ZNF518A: variants seen among roughly 807,000 people sequenced by gnomAD.
ZNF518A encodes zinc finger protein 518.
Under a neutral mutation model 102.7 loss-of-function variants are expected in ZNF518A, and 47 were observed. The ratio of observed to expected loss-of-function variants is 0.46; its 90% CI spans 0.36 to 0.58. The LOEUF is 0.58. Among genes scored for constraint, ZNF518A ranks in the 20% least tolerant of loss-of-function variants. The probability of loss-of-function intolerance (pLI) is 0.00; values close to 1 mark genes in which losing one functional copy is unlikely to be tolerated. For missense variants in ZNF518A, 1,793 were observed against 1,699.8 expected, an observed-to-expected ratio of 1.05 and a Z score of -0.96; for synonymous variants, 652 against 594.6, an observed-to-expected ratio of 1.10 and a Z score of -1.40.
chr10:96,175,898 C>CA (rs2083201539), intron 1 of ZNF518A, among the ~76,000 whole-genome samples: 1 of 120,738 alleles, frequency 8.3e-6, no homozygotes, highest in South Asian at 3.8e-4. Flanking sequence ...TTCCTTCCTT[C>CA]CTTCCTTCCT....
chr10:96,144,186 A>G (rs1182139862), intron 3 of ZNF518A, among the ~76,000 whole-genome samples: 2 of 151,976 alleles, frequency 1.3e-5, no homozygotes, highest in Non-Finnish European at 2.9e-5. Flanking sequence ...GGGTTTCGCC[A>G]TGTTTTCTAG....
intron 1 of ZNF518A, among the ~76,000 whole-genome samples, chr10:96,174,640 A>T (rs587766125): frequency 8.7e-4 from 132 of 152,312 alleles, no homozygotes; most frequent in Non-Finnish European, 1.5e-3. Context: ...GAAGAAACCT[A>T]TGACGAGTAA....
downstream of ZNF518A, among the ~76,000 whole-genome samples, chr10:96,168,576 C>A (rs1050222429): frequency 4.0e-5 from 6 of 151,528 alleles, no homozygotes; most frequent in African/African-American, 1.5e-4. Flanking sequence ...CTATGAATAT[C>A]TTAATTTTTC....
In ZNF518A at chr10:96,158,823, A is replaced by C; in HGVS notation, c.2501A>C (p.Lys834Thr). ...GKIVESSKDF[K>T]VQGIFPVPPG... Reference sequence around the variant, plus strand: ...ATTGTTGAATCTTCGAAAGATTTCAAAGTGCAAGGCATCTTCCCAGTTCCA... The same window carrying C: ...ATTGTTGAATCTTCGAAAGATTTCACAGTGCAAGGCATCTTCCCAGTTCCA... The change falls in exon 6 of 6, where the codon AAA (lysine) becomes ACA (threonine). Residue 834 changes from lysine to threonine, a missense_variant. By Grantham distance (78) the Lys-to-Thr change is moderately conservative (BLOSUM62 -1). Coordinates refer to ENST00000316045, the MANE Select transcript of ZNF518A (RefSeq NM_001330736.2). 1 of 1,613,814 alleles carries C rather than the reference A, an allele frequency of 6.2e-7. No individual in the cohort carries two copies. Among genetic ancestry groups the C allele is most frequent in the Non-Finnish European group, 8.5e-7 (1 of 1,179,740 alleles).
intron 1 of ZNF518A, among the ~76,000 whole-genome samples, chr10:96,168,980 T>C (rs2083158593): frequency 1.3e-5 from 2 of 152,208 alleles, no homozygotes; most frequent in African/African-American, 4.8e-5. Context: ...TCTCTTTTTT[T>C]CTCTCTTTCT....
intron 1 of ZNF518A, among the ~76,000 whole-genome samples, chr10:96,180,356 T>TA (rs1290919178): frequency 2.0e-5 from 3 of 151,842 alleles, no homozygotes; most frequent in Admixed American, 6.6e-5. Context: ...TCTTTTTTTT[T>TA]TATATATACT....
At position 96,200,218 on chromosome 10, in the gene ZNF518A, G is replaced by A. The variant is rs936438106; in HGVS notation, n.36-3356G>A. On this transcript the variant is annotated intron_variant and non_coding_transcript_variant, in intron 1 of 2. Transcript: ENST00000442635. This position sits in a 1 kb window ranked among gnomAD's most constrained non-coding sequence, Gnocchi z 4.3. Reference sequence around the variant, plus strand: ...GTCCCTACTTAACTCTAATTTCTGTGTACTAGAAACAAAGACCCATTTGCA... The same window carrying A: ...GTCCCTACTTAACTCTAATTTCTGTATACTAGAAACAAAGACCCATTTGCA... 1.5e-5 allele frequency: 22 copies of A among 1,429,760 alleles called. No homozygotes were observed. The highest frequency in any genetic ancestry group is 9.8e-5 in the African/African-American group (7 of 71,282). 88.6% of individuals were successfully genotyped at this position (1,429,760 alleles called of 1,614,324 possible).
At position 96,161,455 on chromosome 10, in the gene ZNF518A, A is replaced by G. The variant is rs1459325821; in HGVS notation, c.*681A>G. 6.0e-6 allele frequency: 1 copy of G among 166,818 alleles called. No homozygotes were observed. The highest frequency in any genetic ancestry group is 1.5e-5 in the Non-Finnish European group (1 of 68,048). The allele number at this position is 166,818 out of a possible 1,614,324, so 10.3% of individuals were successfully genotyped here. A position where few individuals can be genotyped will look rare whatever the true frequency, so the allele number is the denominator to read the frequency against. ...TTCTTTTTCTAAGTGACTGTGTCAA[A>G]TGTTGCAGTAGATGGGCAGCTTCAA... is the stretch of plus-strand genomic sequence containing the variant. On this transcript the variant is annotated 3_prime_UTR_variant, in exon 6 of 6. Coordinates refer to ENST00000316045, the MANE Select transcript of ZNF518A (RefSeq NM_001330736.2).
Position 96,157,123 on chromosome 10 carries a change from T to C in ZNF518A, c.801T>C (p.Cys267=), listed in dbSNP as rs892633480. The change falls in exon 6 of 6, where the codon TGT becomes TGC. Residue 267 remains cysteine, a synonymous_variant. Transcript: ENST00000316045. Reference sequence around the variant, plus strand: ...CTTTTCCCTTCACTTGTCAATATTGTAGCTATGGTGCCACCAGGAGAGAAC... The same window carrying C: ...CTTTTCCCTTCACTTGTCAATATTGCAGCTATGGTGCCACCAGGAGAGAAC... ...SGTFPFTCQY[C]SYGATRREHL... The C allele has an allele frequency of 4.3e-6, 7 of 1,613,706 alleles. No individual in the cohort carries two copies. In the Admixed American group the frequency reaches 1.2e-4, roughly 27 times the overall value.
rs587765369 is a variant in ZNF518A at position 96,149,855 on chromosome 10, A to G, written c.-301-5471A>G. On this transcript the variant is annotated intron_variant, in intron 3 of 5. Transcript: ENST00000316045. The stretch of plus-strand genomic sequence containing the variant: ...TATATTCAATGTATATATTTTCCTC[A>G]AAGAGTACATATGTAGTATATTTTC... 1.2e-3 allele frequency among the ~76,000 whole-genome samples: 182 copies of G among 152,236 alleles called. 1 individual carries two copies. Among genetic ancestry groups the G allele is most frequent in the African/African-American group, 4.1e-3 (171 of 41,560 alleles).
At chr10:96,199,823 A>G in intron 1 of ZNF518A, 1 of 245,476 alleles carries the variant, frequency 4.1e-6, no homozygotes, top group South Asian at 5.9e-5. Flanking sequence ...CAGGAGTTCG[A>G]GAGCAGCCTG....
chr10:96,160,441 T>C lies in ZNF518A; in HGVS notation c.4119T>C (p.His1373=), dbSNP rs2082950485. Residue 1373 remains histidine, a synonymous_variant, in exon 6 of 6, where the codon CAT becomes CAC. Coordinates refer to ENST00000316045, the MANE Select transcript of ZNF518A (RefSeq NM_001330736.2). The stretch of plus-strand genomic sequence containing the variant: ...AAACTATTGCTAAATTTAATGGACA[T>C]GTACTTAAGGTTTCATTGTCAAAAA... ...VMKTIAKFNG[H]VLKVSLSKRT... 5 of 1,613,362 alleles carry C rather than the reference T, an allele frequency of 3.1e-6. No individual in the cohort carries two copies. The highest frequency in any genetic ancestry group is 2.2e-5 in the East Asian group (1 of 44,886).
chr10:96,160,097 A>G lies in ZNF518A; in HGVS notation c.3775A>G (p.Lys1259Glu), dbSNP rs1247316611. Reference sequence around the variant, plus strand: ...TTCCAAAAAAATTTTTTCAAAAACAAAAACTCATGGAAGTAAAGACTCTGA... The same window carrying G: ...TTCCAAAAAAATTTTTTCAAAAACAGAAACTCATGGAAGTAAAGACTCTGA... Reference protein sequence around the residue: ...KTSKKIFSKTKTHGSKDSETA... With the variant: ...KTSKKIFSKTETHGSKDSETA... Residue 1259 changes from lysine to glutamate, a missense_variant, in exon 6 of 6, where the codon AAA (lysine) becomes GAA (glutamate). Around this residue, in one of 3 missense-constraint regions of ZNF518A, gnomAD observed 1,741 missense variants for 1,622.6 expected, o/e 1.07. Transcript: ENST00000316045. 1.2e-6 allele frequency: 2 copies of G among 1,609,714 alleles called. No homozygotes were observed. The highest frequency in any genetic ancestry group is 1.3e-5 in the African/African-American group (1 of 74,516).
chr10:96,145,521 C>T (rs1341858269), intron 3 of ZNF518A, among the ~76,000 whole-genome samples: 1 of 152,192 alleles, frequency 6.6e-6, no homozygotes, highest in Admixed American at 6.5e-5. Flanking sequence ...ATTTATATAG[C>T]ATGAATGAAA....
intron 3 of ZNF518A, among the ~76,000 whole-genome samples, chr10:96,153,246 A>C (rs782737575): frequency 6.6e-6 from 1 of 152,368 alleles, no homozygotes; most frequent in South Asian, 2.1e-4. Flanking sequence ...TGTTCTGTCA[A>C]GGCCCCTGGC....
chr10:96,140,932 A>C (rs2081891893), intron 3 of ZNF518A, among the ~76,000 whole-genome samples: 1 of 152,144 alleles, frequency 6.6e-6, no homozygotes, highest in African/African-American at 2.4e-5. Context: ...AGACAGAGTA[A>C]GACCCTGTCT....
Position 96,157,832 on chromosome 10 carries a change from GAC to G in ZNF518A, c.1514_1515del (p.Thr505SerfsTer34), listed in dbSNP as rs1554883852. 1 of 1,613,850 alleles carries G rather than the reference GAC, an allele frequency of 6.2e-7. No homozygotes were observed. On this transcript the variant is annotated frameshift_variant, in exon 6 of 6. Transcript: ENST00000316045. LOFTEE classifies it high-confidence loss of function. ...AACAGGAGTAACAACTGAGTTAAATGACACAGTTTATATGAAAGCAGCTACTC... is the reference window on the plus strand; with the variant it reads ...AACAGGAGTAACAACTGAGTTAAATGACAGTTTATATGAAAGCAGCTACTC... ...FLTGVTTELNDTVYMKAATPF... is the reference protein window; with the variant it reads ...FLTGVTTELNXTVYMKAATPF...
chr10:96,160,808 ATTACC>A lies in ZNF518A; in HGVS notation c.*38_*42del. 1 of 1,486,806 alleles carries A rather than the reference ATTACC, an allele frequency of 6.7e-7. No homozygotes were observed. The highest frequency in any genetic ancestry group is 8.9e-7 in the Non-Finnish European group (1 of 1,121,926). 92.1% of individuals were successfully genotyped at this position (1,486,806 alleles called of 1,614,324 possible). A position where few individuals can be genotyped will look rare whatever the true frequency, so the allele number is the denominator to read the frequency against. ...AATTACCAAGGAAAAGAAAAGTAAA[ATTACC>A]TTAGAAGAAAACAACGGGTTCAGTT... On this transcript the variant is annotated 3_prime_UTR_variant, in exon 6 of 6. Coordinates refer to ENST00000316045, the MANE Select transcript of ZNF518A (RefSeq NM_001330736.2).
chr10:96,147,934 T>C (rs933957191), intron 3 of ZNF518A, among the ~76,000 whole-genome samples: 1 of 152,182 alleles, frequency 6.6e-6, no homozygotes, highest in Non-Finnish European at 1.5e-5. Flanking sequence ...ACCTCCTAGA[T>C]TGCTCTTCTT....
Sources: gnomAD v4.1 joint callset for allele counts (sites outside exome capture counted in the v4.1 genomes callset) on GRCh38, gnomAD v4.1.1 for gene constraint, gnomAD v4.1.1 regional missense constraint, Gnocchi (gnomAD v3.1) non-coding constraint, MANE v1.5 for transcripts, NCBI Gene and HGNC (gene_info 2026-07-23, HGNC 2026-07-21) for gene names.